Variants in HS2ST1 observed in about 807,000 individuals in gnomAD.
The protein encoded by HS2ST1 is 2-O-sulfotransferase.
HS2ST1 carries 18 observed loss-of-function variants against 42.9 expected under a neutral mutation model. The observed-to-expected ratio is 0.42, with a 90% CI of 0.29 to 0.62. The LOEUF (loss-of-function observed/expected upper bound fraction) is 0.62. HS2ST1 is among the 20% of genes least tolerant of loss of function. The pLI is 0.21. For missense variants in HS2ST1, 334 were observed against 433.8 expected (o/e 0.77, Z 2.04); for synonymous variants, 146 against 152.9 (o/e 0.95, Z 0.33).
At chr1:87,082,683 G>A (rs940002235) in intron 2 of HS2ST1, among the ~76,000 whole-genome samples, 13 of 152,164 alleles carry the variant, frequency 8.5e-5, no homozygotes, top group Non-Finnish European at 1.8e-4. Flanking sequence ...TATTCAGCAT[G>A]TAAAGTATGT....
chr1:86,916,959 A>C (rs1010033374), intron 1 of HS2ST1, among the ~76,000 whole-genome samples: 2 of 152,188 alleles, frequency 1.3e-5, no homozygotes, highest in Admixed American at 6.5e-5. Context: ...CCATAGACAC[A>C]ATCTGAATGA....
At chr1:87,057,742 T>G (rs111323450) in intron 1 of HS2ST1, among the ~76,000 whole-genome samples, 2,248 of 151,796 alleles carry the variant, frequency 0.015, 66 homozygotes, top group African/African-American at 0.052. Flanking sequence ...TCCCAGCTAC[T>G]CAGGAGGCTG....
chr1:87,049,399 A>T (rs1650777050), intron 1 of HS2ST1, among the ~76,000 whole-genome samples: 1 of 151,954 alleles, frequency 6.6e-6, no homozygotes, highest in Non-Finnish European at 1.5e-5. Flanking sequence ...TTCTTTTCTA[A>T]TATGATCGTG....
chr1:87,011,827 C>T (rs1649605196), intron 1 of HS2ST1, among the ~76,000 whole-genome samples: 1 of 152,106 alleles, frequency 6.6e-6, no homozygotes, highest in Non-Finnish European at 1.5e-5. Flanking sequence ...AAGATATGTA[C>T]CTTGAGGAAT....
chr1:87,102,063 A>T lies in HS2ST1; in HGVS notation c.687-1369A>T, dbSNP rs539468619. Among the ~76,000 whole-genome samples the T allele has an allele frequency of 1.2e-3, 181 of 150,736 alleles. 1 individual carries two copies. Among genetic ancestry groups the T allele is most frequent in the African/African-American group, 4.1e-3 (170 of 41,156 alleles). Reference sequence around the variant, plus strand: ...GACCCAGTCGTTTATTATTATTATTATTATTATTTTTGAGACAAAGTTTTG... The same window carrying T: ...GACCCAGTCGTTTATTATTATTATTTTTATTATTTTTGAGACAAAGTTTTG... On this transcript the variant is annotated intron_variant, in intron 5 of 6. Coordinates refer to ENST00000370550, the MANE Select transcript of HS2ST1 (RefSeq NM_012262.4).
chr1:86,967,763 T>C (rs1188149375), intron 1 of HS2ST1, among the ~76,000 whole-genome samples: 1 of 152,242 alleles, frequency 6.6e-6, no homozygotes, highest in Non-Finnish European at 1.5e-5. Context: ...CAAACATTTA[T>C]GTGCCTGCGT....
At chr1:87,097,957 C>T (rs1185155028) in intron 5 of HS2ST1, 22 bp downstream of exon 5, 3 of 1,613,458 alleles carry the variant, frequency 1.9e-6, no homozygotes, top group Non-Finnish European at 2.5e-6. Flanking sequence ...AAAGTTGGCT[C>T]AGATTGATTA....
intron 1 of HS2ST1, among the ~76,000 whole-genome samples, chr1:87,030,290 G>A (rs1453580164): frequency 6.6e-6 from 1 of 152,154 alleles, no homozygotes; most frequent in African/African-American, 2.4e-5. Flanking sequence ...TCTTGGGCCA[G>A]GAGTTCAAGA....
chr1:86,938,145 T>C (rs1194459053), intron 1 of HS2ST1, among the ~76,000 whole-genome samples: 2 of 152,170 alleles, frequency 1.3e-5, no homozygotes, highest in Non-Finnish European at 2.9e-5. Flanking sequence ...GAAAGATTCA[T>C]TGGTTGAACA....
chr1:87,066,790 T>A (rs1272692552), intron 1 of HS2ST1, among the ~76,000 whole-genome samples: 1 of 152,140 alleles, frequency 6.6e-6, no homozygotes, highest in East Asian at 1.9e-4. Context: ...GTTCTCATTG[T>A]TCAGCTCCCA....
chr1:86,988,935 C>T (rs976820457), intron 1 of HS2ST1, among the ~76,000 whole-genome samples: 4 of 152,196 alleles, frequency 2.6e-5, no homozygotes, highest in African/African-American at 4.8e-5. Context: ...TGGAATACTT[C>T]GGATTTCTGT....
chr1:86,965,357 C>T (rs1317197990), intron 1 of HS2ST1, among the ~76,000 whole-genome samples: 1 of 152,088 alleles, frequency 6.6e-6, no homozygotes. Context: ...GGCTTTTCCC[C>T]CCTCTGCACA....
intron 1 of HS2ST1, among the ~76,000 whole-genome samples, chr1:87,000,778 C>T (rs1039401747): frequency 2.6e-5 from 4 of 152,184 alleles, no homozygotes; most frequent in Non-Finnish European, 4.4e-5. Flanking sequence ...CTATGTAGCA[C>T]AGTGGGAACA....
chr1:87,022,857 G>A (rs1649986932), intron 1 of HS2ST1, among the ~76,000 whole-genome samples: 2 of 152,196 alleles, frequency 1.3e-5, no homozygotes, highest in Admixed American at 1.3e-4. Context: ...AAGTGGTAGA[G>A]AAAGGTTATT....
intron 1 of HS2ST1, among the ~76,000 whole-genome samples, chr1:86,928,443 G>C (rs1345251198): frequency 6.6e-6 from 1 of 151,932 alleles, no homozygotes; most frequent in East Asian, 1.9e-4. Flanking sequence ...GATTTGATCT[G>C]TATTTAAGAT....
At chr1:87,022,279 T>TTGTC (rs1387092373) in intron 1 of HS2ST1, among the ~76,000 whole-genome samples, 78 of 152,294 alleles carry the variant, frequency 5.1e-4, no homozygotes, top group African/African-American at 1.8e-3. Context: ...ATTAGTAAGA[T>TTGTC]TTACAAAGCT....
rs188456830 is a variant in HS2ST1, at chr1:87,058,674, T to C, written c.125-14260T>C. Reference sequence around the variant, plus strand: ...GACAGATGAGGGTGTGAATTCTGACTTTTTTCCCCTGTAATTCATATCTCT... The same window carrying C: ...GACAGATGAGGGTGTGAATTCTGACCTTTTTCCCCTGTAATTCATATCTCT... On this transcript the variant is annotated intron_variant, in intron 1 of 6. Coordinates refer to ENST00000370550, the MANE Select transcript of HS2ST1 (RefSeq NM_012262.4). 2.6e-5 allele frequency among the ~76,000 whole-genome samples: 4 copies of C among 151,764 alleles called. No homozygotes were observed. The East Asian group carries it at 7.7e-4, about 29-fold the overall frequency.
intron 1 of HS2ST1, among the ~76,000 whole-genome samples, chr1:87,007,097 A>G (rs1054718256): frequency 1.3e-5 from 2 of 152,114 alleles, no homozygotes; most frequent in Admixed American, 1.3e-4. Flanking sequence ...TGTATAGATT[A>G]TACCTAAATA....
chr1:87,077,404 C>T (rs1224408811), intron 2 of HS2ST1, among the ~76,000 whole-genome samples: 1 of 152,170 alleles, frequency 6.6e-6, no homozygotes, highest in African/African-American at 2.4e-5. Context: ...CGCACTTATC[C>T]TTTCCTCTTA....
Sources: allele counts gnomAD v4.1 joint callset (sites outside exome capture counted in the v4.1 genomes callset), GRCh38; gene constraint gnomAD v4.1.1; transcripts MANE v1.5; gene names NCBI Gene and HGNC (gene_info 2026-07-23, HGNC 2026-07-21).